Variants in TMEM178A observed in about 807,000 individuals in gnomAD.
TMEM178A encodes transmembrane protein 178.
Under a neutral mutation model 29.1 loss-of-function variants are expected in TMEM178A, and 12 were observed. The observed-to-expected ratio is 0.41, with a 90% CI of 0.26 to 0.67. The LOEUF (loss-of-function observed/expected upper bound fraction) is 0.67. Ranked by LOEUF, TMEM178A falls within the 30% of genes least tolerant of loss-of-function variation. The pLI, the probability that TMEM178A is intolerant of heterozygous loss-of-function variation, is 0.29. For synonymous variants in TMEM178A, 210 were observed against 187.2 expected (o/e 1.12, Z -0.99); for missense variants, 366 against 419.1 (o/e 0.87, Z 1.11).
At chr2:39,677,114 G>A (rs970691760) in intron 1 of TMEM178A, among the ~76,000 whole-genome samples, 1 of 152,146 alleles carries the variant, frequency 6.6e-6, no homozygotes, top group Non-Finnish European at 1.5e-5. Context: ...AGAGCTTGGT[G>A]CTTCAGTGCT....
At chr2:39,723,991 ACACACTG>A in the TMEM178A span, among the ~76,000 whole-genome samples, 39 of 152,384 alleles carry the variant, frequency 2.6e-4, no homozygotes, top group African/African-American at 7.7e-4. Context: ...AAGCCAGAGC[ACACACTG>A]CACTTTGTAA....
downstream of TMEM178A, among the ~76,000 whole-genome samples, chr2:39,718,265 A>G (rs1379571223): frequency 6.6e-6 from 1 of 151,770 alleles, no homozygotes; most frequent in Non-Finnish European, 1.5e-5. Context: ...TCTGCCTGGT[A>G]TGTATCCAGT....
chr2:39,679,410 T>A (rs1260581339), intron 1 of TMEM178A, among the ~76,000 whole-genome samples: 1 of 151,904 alleles, frequency 6.6e-6, no homozygotes, highest in Admixed American at 6.6e-5. Flanking sequence ...AAAAAAGTAG[T>A]AATAGTGGTA....
At chr2:39,731,979 T>C in the TMEM178A span, among the ~76,000 whole-genome samples, 1 of 152,132 alleles carries the variant, frequency 6.6e-6, no homozygotes, top group South Asian at 2.1e-4. Flanking sequence ...GACAAAAATA[T>C]TCACCTATAT....
chr2:39,668,506 C>T (rs769139053), intron 1 of TMEM178A, among the ~76,000 whole-genome samples: 12 of 152,194 alleles, frequency 7.9e-5, no homozygotes, highest in South Asian at 2.1e-4. Context: ...AGACCTTCTT[C>T]GCCTTCGGTT....
intron 1 of TMEM178A, among the ~76,000 whole-genome samples, chr2:39,696,675 T>G (rs1035854613): frequency 6.6e-6 from 1 of 152,196 alleles, no homozygotes; most frequent in Admixed American, 6.5e-5. Flanking sequence ...TAGTAATGAC[T>G]GTTTATAGCA....
chr2:39,706,121 G>C (rs1672019939), intron 2 of TMEM178A, among the ~76,000 whole-genome samples: 1 of 152,218 alleles, frequency 6.6e-6, no homozygotes, highest in Non-Finnish European at 1.5e-5. Flanking sequence ...AGCAGTTGGA[G>C]GCAACTTGTG....
intron 1 of TMEM178A, among the ~76,000 whole-genome samples, chr2:39,701,168 G>C (rs552211475): frequency 1.3e-5 from 2 of 151,880 alleles, no homozygotes; most frequent in East Asian, 3.9e-4. Context: ...TTTAAATATG[G>C]GTTCAGTTAT....
At chr2:39,679,609 C>T (rs1670785520) in intron 1 of TMEM178A, among the ~76,000 whole-genome samples, 2 of 152,128 alleles carry the variant, frequency 1.3e-5, no homozygotes, top group Non-Finnish European at 2.9e-5. Flanking sequence ...GAAGTCACTA[C>T]CTTCAAGAAA....
chr2:39,703,595 G>A (rs568629808), intron 1 of TMEM178A, among the ~76,000 whole-genome samples: 35 of 152,124 alleles, frequency 2.3e-4, no homozygotes, highest in African/African-American at 4.3e-4. Context: ...ATAGGTTTTC[G>A]AGGTTTGTCT....
chr2:39,674,224 A>G (rs1038865410), intron 1 of TMEM178A, among the ~76,000 whole-genome samples: 2 of 152,314 alleles, frequency 1.3e-5, no homozygotes, highest in East Asian at 1.9e-4. Context: ...TTGAACGTGC[A>G]TGTTTATAGC....
At chr2:39,675,294 C>T (rs114801251) in intron 1 of TMEM178A, among the ~76,000 whole-genome samples, 1 of 152,092 alleles carries the variant, frequency 6.6e-6, no homozygotes, top group Non-Finnish European at 1.5e-5. Context: ...CTAGGCACCA[C>T]CACTGATTTG....
intron 3 of TMEM178A, 150 bp downstream of exon 3, chr2:39,707,336 A>G: frequency 9.8e-7 from 1 of 1,025,078 alleles, no homozygotes; most frequent in African/African-American, 1.6e-5. Flanking sequence ...GCTGGAAAAT[A>G]CAGAATTTAA....
intron 1 of TMEM178A, among the ~76,000 whole-genome samples, chr2:39,690,747 G>A (rs1671279572): frequency 6.6e-6 from 1 of 152,176 alleles, no homozygotes; most frequent in Non-Finnish European, 1.5e-5. Context: ...GCCCCAAAGA[G>A]GTGAATATCT....
intron 1 of TMEM178A, among the ~76,000 whole-genome samples, chr2:39,703,707 C>T (rs1345271138): frequency 6.6e-6 from 1 of 152,142 alleles, no homozygotes. Context: ...CATGAGGCTA[C>T]CCTTGAGAGT....
chr2:39,678,822 A>G (rs1377101296), intron 1 of TMEM178A, among the ~76,000 whole-genome samples: 3 of 152,228 alleles, frequency 2.0e-5, no homozygotes, highest in African/African-American at 7.2e-5. Flanking sequence ...CTACTTCTGC[A>G]TGAAATCTAG....
chr2:39,674,894 C>T (rs2716689), intron 1 of TMEM178A, among the ~76,000 whole-genome samples: 3,828 of 151,884 alleles, frequency 0.025, 169 homozygotes, highest in African/African-American at 0.088. Flanking sequence ...AATAAGCACG[C>T]GTAGAATAAA....
At chr2:39,713,733 C>G (rs925424502) in intron 3 of TMEM178A, among the ~76,000 whole-genome samples, 5 of 152,202 alleles carry the variant, frequency 3.3e-5, no homozygotes, top group African/African-American at 1.2e-4. Context: ...TGTTTGGCAG[C>G]TCTGGCAAAC....
At chr2:39,668,939 G>A (rs1357820661) in intron 1 of TMEM178A, among the ~76,000 whole-genome samples, 2 of 152,100 alleles carry the variant, frequency 1.3e-5, no homozygotes, top group Admixed American at 1.3e-4. Context: ...CCTTTGTTTT[G>A]GCATCTGACA....
Sources: allele counts gnomAD v4.1 joint callset (sites outside exome capture counted in the v4.1 genomes callset), GRCh38; gene constraint gnomAD v4.1.1; transcripts MANE v1.5; gene names NCBI Gene and HGNC (gene_info 2026-07-23, HGNC 2026-07-21).